Variants in TMEM217B observed in about 807,000 individuals in gnomAD.
TMEM217B encodes putative transmembrane protein 217B.
chr6:37,244,174 T>A, the TMEM217B span, among the ~76,000 whole-genome samples: 1 of 152,364 alleles, frequency 6.6e-6, no homozygotes, highest in East Asian at 1.9e-4. Context: ...GAAGGGCTAT[T>A]GTCATCTTTG....
the TMEM217B span, among the ~76,000 whole-genome samples, chr6:37,245,743 G>A: frequency 1.3e-5 from 2 of 151,964 alleles, no homozygotes; most frequent in Non-Finnish European, 2.9e-5. Flanking sequence ...GGAGGAGGAG[G>A]AGATGGAGGA....
the TMEM217B span, among the ~76,000 whole-genome samples, chr6:37,227,824 T>TA: frequency 6.6e-6 from 1 of 152,000 alleles, no homozygotes; most frequent in African/African-American, 2.4e-5. Flanking sequence ...GTGAAGTAAA[T>TA]ATTTTAATTT....
At chr6:37,239,912 ATG>A in the TMEM217B span, among the ~76,000 whole-genome samples, 1,103 of 151,962 alleles carry the variant, frequency 7.3e-3, 7 homozygotes, top group Non-Finnish European at 0.012. Context: ...AAAAAGAAGA[ATG>A]CATTTGGCTG....
At chr6:37,237,097 T>C in the TMEM217B span, among the ~76,000 whole-genome samples, 1 of 152,322 alleles carries the variant, frequency 6.6e-6, no homozygotes, top group South Asian at 2.1e-4. Flanking sequence ...ACACGTTTCC[T>C]GGACACTATT....
the TMEM217B span, among the ~76,000 whole-genome samples, chr6:37,230,944 A>G: frequency 7.9e-5 from 12 of 152,140 alleles, no homozygotes; most frequent in African/African-American, 2.9e-4. Context: ...GTTTTTTGTT[A>G]TTGTTTGTTT....
At chr6:37,216,083 A>T in the TMEM217B span, among the ~76,000 whole-genome samples, 1 of 151,502 alleles carries the variant, frequency 6.6e-6, no homozygotes, top group African/African-American at 2.4e-5. Flanking sequence ...TTATTTATTT[A>T]TTTATTTATT....
chr6:37,251,690 C>T, the TMEM217B span, among the ~76,000 whole-genome samples: 4 of 152,244 alleles, frequency 2.6e-5, no homozygotes, highest in Admixed American at 1.3e-4. Flanking sequence ...AACTCAGGAT[C>T]GTGGTTTCCA....
the TMEM217B span, chr6:37,219,047 A>G: frequency 3.1e-6 from 5 of 1,605,204 alleles, no homozygotes; most frequent in Non-Finnish European, 3.4e-6. Context: ...ACCTCCTGTG[A>G]AGACAAACAA....
chr6:37,228,249 G>T, the TMEM217B span, among the ~76,000 whole-genome samples: 1 of 152,148 alleles, frequency 6.6e-6, no homozygotes, highest in Admixed American at 6.5e-5. Context: ...AAAAAAGAAA[G>T]AAAAAGTTAC....
At chr6:37,252,637 A>ATTTT in the TMEM217B span, among the ~76,000 whole-genome samples, 47 of 71,364 alleles carry the variant, frequency 6.6e-4, 1 homozygote, top group Middle Eastern at 7.4e-3. Context: ...ATATATATAT[A>ATTTT]TTTTTTTTTT....
the TMEM217B span, among the ~76,000 whole-genome samples, chr6:37,255,172 T>C: frequency 6.6e-6 from 1 of 152,064 alleles, no homozygotes; most frequent in East Asian, 1.9e-4. Context: ...CCTGTAGTGA[T>C]AGCGCTTTAA....
At chr6:37,224,338 C>T in the TMEM217B span, among the ~76,000 whole-genome samples, 89 of 151,544 alleles carry the variant, frequency 5.9e-4, no homozygotes, top group African/African-American at 1.8e-3. Flanking sequence ...GTGGCTCATG[C>T]CTGTAATCCC....
the TMEM217B span, among the ~76,000 whole-genome samples, chr6:37,220,114 G>A: frequency 3.2e-4 from 48 of 152,242 alleles, no homozygotes; most frequent in African/African-American, 1.1e-3. Flanking sequence ...ATAGAAGCGC[G>A]TAAGTCAATG....
chr6:37,233,005 T>G, the TMEM217B span, among the ~76,000 whole-genome samples: 4 of 152,300 alleles, frequency 2.6e-5, no homozygotes, highest in Non-Finnish European at 5.9e-5. Flanking sequence ...CCATCTACAC[T>G]GAGAACAAAT....
At chr6:37,232,080 T>A in the TMEM217B span, among the ~76,000 whole-genome samples, 1,465 of 152,276 alleles carry the variant, frequency 9.6e-3, 15 homozygotes, top group African/African-American at 0.033. Context: ...ATTTTCTTTT[T>A]TGCTTGTGTA....
At chr6:37,245,223 C>A in the TMEM217B span, among the ~76,000 whole-genome samples, 1 of 152,206 alleles carries the variant, frequency 6.6e-6, no homozygotes, top group South Asian at 2.1e-4. Context: ...CCTTACAGGG[C>A]GGTAGGTAGC....
At chr6:37,227,469 C>G in the TMEM217B span, among the ~76,000 whole-genome samples, 1 of 152,078 alleles carries the variant, frequency 6.6e-6, no homozygotes, top group East Asian at 1.9e-4. Context: ...TTGTTTGAGA[C>G]GGAGTCTCGC....
chr6:37,220,234 T>C, the TMEM217B span, among the ~76,000 whole-genome samples: 1 of 152,170 alleles, frequency 6.6e-6, no homozygotes, highest in Non-Finnish European at 1.5e-5. Context: ...ATATAAAGTA[T>C]AGAAGTGCTC....
At chr6:37,243,322 T>C in the TMEM217B span, among the ~76,000 whole-genome samples, 4 of 152,218 alleles carry the variant, frequency 2.6e-5, no homozygotes, top group African/African-American at 4.8e-5. Context: ...CAGCTGAGTG[T>C]GGTCATGTGA....
Sources: allele counts gnomAD v4.1 joint callset (sites outside exome capture counted in the v4.1 genomes callset), GRCh38; gene constraint gnomAD v4.1.1; transcripts MANE v1.5; gene names NCBI Gene and HGNC (gene_info 2026-07-23, HGNC 2026-07-21).